The following SEC23IP variants were observed in gnomAD, a reference collection of about 807,000 sequenced individuals.
SEC23IP encodes SEC23 interacting protein, also known as SEC23-interacting protein.
In SEC23IP, 70 loss-of-function variants were observed where a neutral mutation model predicts 113.4. That is an observed-to-expected ratio of 0.62 (90% CI 0.51 to 0.75). SEC23IP has a LOEUF of 0.75. Among genes scored for constraint, SEC23IP ranks in the 30% least tolerant of loss-of-function variants. The pLI is 0.00. For missense variants in SEC23IP, 1,160 were observed against 1,204.9 expected (o/e 0.96, Z 0.55); for synonymous variants, 398 against 421.0 (o/e 0.95, Z 0.67).
At chr10:119,898,252 T>G in intron 1 of SEC23IP, 175 bp from the exon 2 acceptor site, 1 of 1,194,094 alleles carries the variant, frequency 8.4e-7, no homozygotes, top group Middle Eastern at 3.0e-4. Context: ...AGTTTTTCAT[T>G]TCTAAGAAGC....
At chr10:119,900,314 A>T (rs891498760) in intron 2 of SEC23IP, among the ~76,000 whole-genome samples, 23 of 149,550 alleles carry the variant, frequency 1.5e-4, no homozygotes, top group Non-Finnish European at 2.8e-4. Flanking sequence ...TATATATATA[A>T]AATTTTTTTT....
In SEC23IP at chr10:119,926,222, G is replaced by C; in HGVS notation, c.2308G>C (p.Gly770Arg). The C allele has an allele frequency of 1.9e-6, 3 of 1,613,828 alleles. No individual in the cohort carries two copies. Among genetic ancestry groups the C allele is most frequent in the Non-Finnish European group, 2.5e-6 (3 of 1,179,820 alleles). ...TTATGAATCTTTTGAAGTTGGCGCC[G>C]GACAGGTGAGTTTACATATTGACTG... ...VNYESFEVGA[G>R]QVSVAYNSLD... Residue 770 changes from glycine (G) to arginine (R), a missense_variant, in exon 13 of 19, where the codon GGA becomes CGA. Physicochemically the swap from Gly to Arg is moderately radical, Grantham distance 125. Coordinates refer to ENST00000369075, the MANE Select transcript of SEC23IP (RefSeq NM_007190.4).
Position 119,943,620 on chromosome 10 carries a change from A to G in SEC23IP, c.*3055A>G, listed in dbSNP as rs1856012851. 1 of 152,186 alleles carries G rather than the reference A, an allele frequency of 6.6e-6. No individual in the cohort carries two copies. The highest frequency in any genetic ancestry group is 1.5e-5 in the Non-Finnish European group (1 of 68,040). 9.4% of individuals were successfully genotyped at this position (152,186 alleles called of 1,614,324 possible). On this transcript the variant is annotated 3_prime_UTR_variant, in exon 19 of 19. Coordinates refer to ENST00000369075, the MANE Select transcript of SEC23IP (RefSeq NM_007190.4). ...AAAATAAATGAATAAAAAATAAAAC[A>G]GCAACTCTTGCAGATTTCCCGAATG...
intron 13 of SEC23IP, among the ~76,000 whole-genome samples, chr10:119,929,030 G>C (rs1056341641): frequency 1.3e-5 from 2 of 152,192 alleles, no homozygotes; most frequent in Non-Finnish European, 2.9e-5. Context: ...GAGAGGTTAA[G>C]AAACTTGCCC....
chr10:119,894,145 G>C (rs141191727), intron 1 of SEC23IP, among the ~76,000 whole-genome samples: 1 of 152,144 alleles, frequency 6.6e-6, no homozygotes, highest in South Asian at 2.1e-4. Flanking sequence ...AGTATAGTGC[G>C]TGCCAGACAG....
At chr10:119,936,543 CAAAAA>C (rs35075710) in intron 18 of SEC23IP, among the ~76,000 whole-genome samples, 1 of 76,832 alleles carries the variant, frequency 1.3e-5, no homozygotes, top group African/African-American at 5.2e-5. Context: ...GATTCCGTCT[CAAAAA>C]AAAAAAAAAA....
chr10:119,913,881 G>C (rs1490123878), intron 6 of SEC23IP, among the ~76,000 whole-genome samples: 5 of 151,924 alleles, frequency 3.3e-5, no homozygotes, highest in African/African-American at 1.2e-4. Flanking sequence ...GCTGGGCCTG[G>C]TGGCTCACGC....
chr10:119,903,338 A>G (rs1321638145), intron 3 of SEC23IP, among the ~76,000 whole-genome samples: 3 of 152,220 alleles, frequency 2.0e-5, no homozygotes. Flanking sequence ...GGAACTCTCT[A>G]TCCTGGAGAT....
intron 1 of SEC23IP, among the ~76,000 whole-genome samples, chr10:119,895,984 A>G (rs1224084808): frequency 6.6e-6 from 1 of 152,158 alleles, no homozygotes; most frequent in East Asian, 1.9e-4. Flanking sequence ...AGGCAGTGAA[A>G]TTAGACGTGT....
chr10:119,938,391 A>G (rs1855864690), intron 18 of SEC23IP, among the ~76,000 whole-genome samples: 1 of 152,160 alleles, frequency 6.6e-6, no homozygotes, highest in South Asian at 2.1e-4. Context: ...AGAGGTGCGC[A>G]GGCCTCTTTG....
intron 15 of SEC23IP, among the ~76,000 whole-genome samples, chr10:119,931,523 A>G (rs1012915395): frequency 2.0e-5 from 3 of 151,570 alleles, no homozygotes; most frequent in Admixed American, 2.0e-4. Context: ...TTACAGTAAA[A>G]ACAAACAAAA....
In SEC23IP at chr10:119,901,021, T is replaced by C. The variant is rs1397861456; in HGVS notation, c.697-1778T>C. On this transcript the variant is annotated intron_variant, in intron 2 of 18. Coordinates refer to ENST00000369075, the MANE Select transcript of SEC23IP (RefSeq NM_007190.4). ...CATTAAAATTTTTTTCTTTTTCTTCTTCTTTTTTTTTTTTTTAAAGAGTGG... is the reference window on the plus strand; with the variant it reads ...CATTAAAATTTTTTTCTTTTTCTTCCTCTTTTTTTTTTTTTTAAAGAGTGG... Among the ~76,000 whole-genome samples the C allele has an allele frequency of 4.0e-5, 5 of 125,740 alleles. No individual in the cohort carries two copies. In the Admixed American group the frequency reaches 4.3e-4, roughly 11 times the overall value. The allele number at this position is 125,740 out of a possible 152,430, so 82.5% of individuals were successfully genotyped here.
chr10:119,913,408 T>A (rs34572248), intron 6 of SEC23IP, among the ~76,000 whole-genome samples: 8,315 of 149,358 alleles, frequency 0.056, 431 homozygotes, highest in South Asian at 0.27. Flanking sequence ...ACATGGACTC[T>A]GTTACAAACT....
chr10:119,917,952 A>G lies in SEC23IP; in HGVS notation c.1661A>G (p.Lys554Arg). The change falls in exon 9 of 19, where the codon AAA becomes AGA. Residue 554 changes from lysine (K) to arginine (R), a missense_variant. Physicochemically the swap from Lys to Arg is conservative, Grantham distance 26 (BLOSUM62 2). Coordinates refer to ENST00000369075, the MANE Select transcript of SEC23IP (RefSeq NM_007190.4). ...ACCTACTGTCAGACAATTGTGGAAA[A>G]AGTAGGAATGGAGATAAACCATCTG... Reference protein sequence around the residue: ...SPTYCQTIVEKVGMEINHLHA... With the variant: ...SPTYCQTIVERVGMEINHLHA... 3 of 1,614,058 alleles carry G rather than the reference A, an allele frequency of 1.9e-6. No individual in the cohort carries two copies. Among genetic ancestry groups the G allele is most frequent in the Non-Finnish European group, 2.5e-6 (3 of 1,179,948 alleles).
intron 10 of SEC23IP, 56 bp downstream of exon 10, chr10:119,918,567 A>G (rs756182013): frequency 4.5e-5 from 46 of 1,013,648 alleles, no homozygotes; most frequent in Middle Eastern, 4.2e-4. Context: ...GAGCTGAACA[A>G]TTTTCAAAAG....
At chr10:119,901,624 G>A (rs1368747054) in intron 2 of SEC23IP, among the ~76,000 whole-genome samples, 1 of 152,120 alleles carries the variant, frequency 6.6e-6, no homozygotes, top group Non-Finnish European at 1.5e-5. Flanking sequence ...TTTGACAGTT[G>A]TACACACCAA....
At chr10:119,904,450 C>T (rs930049419) in intron 4 of SEC23IP, 173 bp downstream of exon 4, 25 of 604,080 alleles carry the variant, frequency 4.1e-5, no homozygotes, top group Admixed American at 6.0e-5. Context: ...AGGTGCTAAT[C>T]GTGGCATCTG....
chr10:119,924,183 GTTAC>G (rs775706937), intron 12 of SEC23IP, among the ~76,000 whole-genome samples: 18 of 152,290 alleles, frequency 1.2e-4, no homozygotes, highest in Admixed American at 8.5e-4. Context: ...CAATTAACCA[GTTAC>G]TTACTTTCCT....
chr10:119,942,573 GC>G lies in SEC23IP; in HGVS notation c.*2012del, dbSNP rs901747260. 1 of 152,014 alleles carries G rather than the reference GC, an allele frequency of 6.6e-6. No individual in the cohort carries two copies. Among genetic ancestry groups the G allele is most frequent in the Non-Finnish European group, 1.5e-5 (1 of 67,992 alleles). The allele number at this position is 152,014 out of a possible 1,614,324, so 9.4% of individuals were successfully genotyped here. A position where few individuals can be genotyped will look rare whatever the true frequency, so the allele number is the denominator to read the frequency against. Reference sequence around the variant, plus strand: ...CATCCCCTGACAACCTCCCCTCCCAGCCCCTAATCTGGTTTAATGCCCTCCT... The same window carrying G: ...CATCCCCTGACAACCTCCCCTCCCAGCCCTAATCTGGTTTAATGCCCTCCT... On this transcript the variant is annotated 3_prime_UTR_variant, in exon 19 of 19. Transcript: ENST00000369075.
Sources: allele counts gnomAD v4.1 joint callset (sites outside exome capture counted in the v4.1 genomes callset), GRCh38; gene constraint gnomAD v4.1.1; transcripts MANE v1.5; gene names NCBI Gene and HGNC (gene_info 2026-07-23, HGNC 2026-07-21).